Variants in TEX11 observed in about 807,000 individuals in gnomAD.
TEX11 encodes testis expressed 11.
A neutral mutation model predicts 84.4 loss-of-function variants in TEX11; 7 were observed. The observed-to-expected ratio is 0.08, with a 90% CI of 0.05 to 0.16. The LOEUF is 0.16. TEX11 is among the 10% of genes least tolerant of loss of function. TEX11 has a pLI of 1.00. For synonymous variants in TEX11, 264 were observed against 222.8 expected, an observed-to-expected ratio of 1.18 and a Z score of -1.64; for missense variants, 551 against 660.5, an observed-to-expected ratio of 0.83 and a Z score of 1.82.
chrX:70,578,889 G>A (rs1382805786), intron 25 of TEX11, among the ~76,000 whole-genome samples: 1 of 102,690 alleles, frequency 9.7e-6, no homozygotes, highest in African/African-American at 3.6e-5. Flanking sequence ...TCCTGCCTCA[G>A]CCTTCCAAGT....
At chrX:70,752,586 C>T (rs1212502333) in intron 9 of TEX11, among the ~76,000 whole-genome samples, 4 of 95,938 alleles carry the variant, frequency 4.2e-5, no homozygotes, top group Non-Finnish European at 8.6e-5. Context: ...AAAAATGTTA[C>T]AAAAATTAAA....
chrX:70,646,501 A>G (rs1347089496), intron 17 of TEX11, among the ~76,000 whole-genome samples: 1 of 112,129 alleles, frequency 8.9e-6, no homozygotes, highest in African/African-American at 3.2e-5. Context: ...AACATCCAAA[A>G]TATATAAGAA....
At chrX:70,800,557 G>C (rs1466883386) in intron 9 of TEX11, among the ~76,000 whole-genome samples, 1 of 110,771 alleles carries the variant, frequency 9.0e-6, no homozygotes, top group Non-Finnish European at 1.9e-5. Context: ...TATTAACTTG[G>C]GCAATAACAA....
intron 7 of TEX11, among the ~76,000 whole-genome samples, chrX:70,835,872 G>C (rs896147234): frequency 9.0e-6 from 1 of 111,171 alleles, no homozygotes; most frequent in Non-Finnish European, 1.9e-5. Context: ...AGCACTTTGG[G>C]AGGCCAAGGT....
rs1468763544 is a variant in TEX11 at position 70,853,117 on chromosome X, T to G, written c.442A>C (p.Ser148Arg). The change falls in exon 7 of 30, where the codon AGC becomes CGC. Residue 148 changes from serine to arginine, a missense_variant. Ser to Arg is a moderately radical substitution (Grantham distance 110). Coordinates refer to ENST00000374333, the MANE Select transcript of TEX11 (RefSeq NM_031276.3). ...ATGGTCAAGTCAGCCTCAGGGGAGC[T>G]CCTTTGAATTAATTTGACGTATAAT... is the stretch of plus-strand genomic sequence containing the variant. ...EQLYVKLIQRSSPEADLTMEK... is the reference protein window; with the variant it reads ...EQLYVKLIQRRSPEADLTMEK... The G allele has an allele frequency of 1.7e-6, 2 of 1,209,476 alleles. No individual in the cohort carries two copies. Among genetic ancestry groups the G allele is most frequent in the Non-Finnish European group, 2.2e-6 (2 of 894,294 alleles).
At position 70,565,967 on chromosome X, in the gene TEX11, G is replaced by T. The variant is rs1325426705; in HGVS notation, c.2141-11167C>A. Among the ~76,000 whole-genome samples, 249 of 109,618 alleles carry T rather than the reference G, an allele frequency of 2.3e-3. 2 individuals carry two copies. Among genetic ancestry groups the T allele is most frequent in the African/African-American group, 7.7e-3 (231 of 30,151 alleles). ...AAGTCATTGGTAGCTTGATGGGGAT[G>T]GCATTGAATCTATAAATTACCTTGG... On this transcript the variant is annotated intron_variant, in intron 25 of 29. Transcript: ENST00000374333.
At chrX:70,677,415 C>T (rs1479182859) in intron 15 of TEX11, among the ~76,000 whole-genome samples, 1 of 111,344 alleles carries the variant, frequency 9.0e-6, no homozygotes, top group South Asian at 3.8e-4. Flanking sequence ...GCACTGTTCC[C>T]GCTAATATTT....
At chrX:70,629,392 T>C (rs745995297) in intron 18 of TEX11, among the ~76,000 whole-genome samples, 12 of 112,241 alleles carry the variant, frequency 1.1e-4, no homozygotes, top group Non-Finnish European at 2.1e-4. Context: ...TTATGTTGTT[T>C]TGAGCACAAC....
At chrX:70,853,216 A>G in intron 6 of TEX11, 32 bp downstream of exon 6, 1 of 1,206,014 alleles carries the variant, frequency 8.3e-7, no homozygotes, top group Middle Eastern at 2.3e-4. Flanking sequence ...ACTACTAATA[A>G]TTGCCTCAGC....
In TEX11 at chrX:70,672,193, A is replaced by G. The variant is rs763851345; in HGVS notation, c.1243-1679T>C. Among the ~76,000 whole-genome samples the G allele has an allele frequency of 2.7e-5, 3 of 110,746 alleles. No individual in the cohort carries two copies. The East Asian group carries it at 8.5e-4, about 31-fold the overall frequency. ...CCATTATTGCATCTATCAATAGTTC[A>G]TTCCTTTTCATTGCTGAGTAGTATT... On this transcript the variant is annotated intron_variant, in intron 15 of 29. Coordinates refer to ENST00000374333, the MANE Select transcript of TEX11 (RefSeq NM_031276.3).
chrX:70,542,964 A>T (rs1277517218), intron 28 of TEX11, among the ~76,000 whole-genome samples: 15 of 111,778 alleles, frequency 1.3e-4, no homozygotes, highest in African/African-American at 4.9e-4. Context: ...GGCGGATCAC[A>T]AGGTCAGGAG....
At chrX:70,793,608 G>A (rs1785057340) in intron 9 of TEX11, among the ~76,000 whole-genome samples, 1 of 111,522 alleles carries the variant, frequency 9.0e-6, no homozygotes, top group South Asian at 3.8e-4. Flanking sequence ...GCTTTCTGAG[G>A]CCTTACCAGA....
chrX:70,560,136 G>T (rs74512784), intron 25 of TEX11, among the ~76,000 whole-genome samples: 1 of 108,481 alleles, frequency 9.2e-6, no homozygotes. Flanking sequence ...TTTTTTTTGG[G>T]TGAAATTTCC....
intron 2 of TEX11, among the ~76,000 whole-genome samples, chrX:70,894,498 T>C (rs969108724): frequency 9.1e-6 from 1 of 109,907 alleles, no homozygotes; most frequent in Non-Finnish European, 1.9e-5. Context: ...TGGTGGCGCA[T>C]GCCTGTAGTC....
chrX:70,661,303 T>C (rs1004373215), intron 16 of TEX11, among the ~76,000 whole-genome samples: 1 of 112,149 alleles, frequency 8.9e-6, no homozygotes, highest in Non-Finnish European at 1.9e-5. Flanking sequence ...GAGATCAAAC[T>C]GCAAGGCGGC....
chrX:70,797,104 AT>A (rs1244019650), intron 9 of TEX11, among the ~76,000 whole-genome samples: 3 of 112,057 alleles, frequency 2.7e-5, no homozygotes, highest in Non-Finnish European at 5.6e-5. Flanking sequence ...CCACAATTTC[AT>A]TACTGGGGAT....
At chrX:70,884,792 A>T (rs2091699543) in intron 2 of TEX11, among the ~76,000 whole-genome samples, 1 of 109,417 alleles carries the variant, frequency 9.1e-6, no homozygotes, top group African/African-American at 3.3e-5. Context: ...GATCCTGGAG[A>T]GTTAACTAGG....
intron 8 of TEX11, among the ~76,000 whole-genome samples, chrX:70,830,538 G>A (rs2091371759): frequency 8.9e-6 from 1 of 111,810 alleles, no homozygotes. Context: ...TACAGAATAG[G>A]AGAAAATATC....
intron 11 of TEX11, among the ~76,000 whole-genome samples, chrX:70,734,346 A>G (rs983642625): frequency 9.0e-6 from 1 of 111,245 alleles, no homozygotes; most frequent in African/African-American, 3.3e-5. Flanking sequence ...CCCATCCAAA[A>G]CCTACTAAAT....
Sources: allele counts gnomAD v4.1 joint callset (sites outside exome capture counted in the v4.1 genomes callset), GRCh38; gene constraint gnomAD v4.1.1; transcripts MANE v1.5; gene names NCBI Gene and HGNC (gene_info 2026-07-23, HGNC 2026-07-21).